Variants in ARL17A observed in about 807,000 individuals in gnomAD.
ARL17A encodes the protein ARF like GTPase 17A.
intron 3 of ARL17A, among the ~76,000 whole-genome samples, chr17:46,543,908 G>A (rs1212557906): frequency 6.8e-6 from 1 of 148,132 alleles, no homozygotes; most frequent in African/African-American, 2.6e-5. Flanking sequence ...CTTGTGCCCA[G>A]GAGTTCGAGA....
chr17:46,502,711 C>T, the ARL17A span, among the ~76,000 whole-genome samples: 25 of 151,244 alleles, frequency 1.7e-4, 2 homozygotes, highest in African/African-American at 4.9e-4. Flanking sequence ...GCCTAAGGCA[C>T]CTGTGAGGGT....
At chr17:46,534,709 G>C (rs1310637517) in intron 4 of ARL17A, among the ~76,000 whole-genome samples, 1 of 150,020 alleles carries the variant, frequency 6.7e-6, no homozygotes, top group Non-Finnish European at 1.5e-5. Context: ...TGAGCTGTTG[G>C]GTACACCTCC....
chr17:46,533,496 C>CTT (rs1290324553), intron 4 of ARL17A, among the ~76,000 whole-genome samples: 25 of 141,548 alleles, frequency 1.8e-4, no homozygotes, highest in African/African-American at 4.8e-4. Context: ...GTATCTTTTT[C>CTT]TTTTTTTTTT....
At chr17:46,528,643 C>A (rs971976197), downstream of ARL17A, 1 of 534,632 alleles carries the variant, frequency 1.9e-6, no homozygotes. Flanking sequence ...TCACTTGACT[C>A]CAGGAGGTGG....
At chr17:46,575,643 TG>T (rs1258517709) in intron 2 of ARL17A, among the ~76,000 whole-genome samples, 1 of 96,506 alleles carries the variant, frequency 1.0e-5, no homozygotes, top group African/African-American at 4.3e-5. Context: ...TGTGTTCACA[TG>T]TCTCCCTTGT....
At chr17:46,522,459 G>GTTTT (rs2052398791) in intron 3 of ARL17A, among the ~76,000 whole-genome samples, 3 of 127,632 alleles carry the variant, frequency 2.4e-5, no homozygotes, top group African/African-American at 9.1e-5. Context: ...TTGTTTGTTT[G>GTTTT]TTTGAGACGG....
intron 3 of ARL17A, among the ~76,000 whole-genome samples, chr17:46,539,768 C>CAAAAAAAACA (rs2054949175): frequency 1.5e-5 from 1 of 67,036 alleles, no homozygotes; most frequent in Non-Finnish European, 2.7e-5. Flanking sequence ...GACTCCATCT[C>CAAAAAAAACA]AAAAAAAAAA....
At chr17:46,529,210 A>C (rs62073316) in intron 4 of ARL17A, among the ~76,000 whole-genome samples, 1 of 119,960 alleles carries the variant, frequency 8.3e-6, no homozygotes, top group Non-Finnish European at 1.9e-5. Context: ...AAAAAGAACA[A>C]GCAAGAAATG....
At chr17:46,526,580 A>G (rs1330868479), downstream of ARL17A, among the ~76,000 whole-genome samples, 2 of 103,874 alleles carry the variant, frequency 1.9e-5, 1 homozygote, top group Non-Finnish European at 4.2e-5. Context: ...CTGGGTTCCA[A>G]TAGTTACAAC....
downstream of ARL17A, chr17:46,550,331 C>A (rs1351729363): frequency 4.8e-5 from 18 of 371,168 alleles, no homozygotes; most frequent in African/African-American, 5.7e-4. Context: ...TAAAAAAGAA[C>A]CTGTCAGCTA....
chr17:46,500,576 A>G, the ARL17A span, among the ~76,000 whole-genome samples: 1 of 150,678 alleles, frequency 6.6e-6, no homozygotes, highest in Admixed American at 6.6e-5. Context: ...AAATCACCTG[A>G]AGATTGTGAG....
chr17:46,568,436 C>A (rs1285223101), intron 3 of ARL17A, among the ~76,000 whole-genome samples: 2 of 120,280 alleles, frequency 1.7e-5, no homozygotes, highest in African/African-American at 6.8e-5. Context: ...GATAGCCAAG[C>A]AAGTTAGATG....
intron 4 of ARL17A, among the ~76,000 whole-genome samples, chr17:46,534,260 G>A (rs1482423102): frequency 7.6e-5 from 11 of 144,276 alleles, no homozygotes; most frequent in Admixed American, 1.4e-4. Context: ...GATTTGGCAG[G>A]GTCATAGGAC....
chr17:46,529,534 G>A (rs1040150049), intron 4 of ARL17A, among the ~76,000 whole-genome samples: 1 of 101,476 alleles, frequency 9.9e-6, no homozygotes, highest in African/African-American at 3.3e-5. Context: ...AAGGCTGGGC[G>A]CGCTGGCTCA....
chr17:46,534,708 G>C (rs1298959762), intron 4 of ARL17A, among the ~76,000 whole-genome samples: 1 of 149,976 alleles, frequency 6.7e-6, no homozygotes, highest in African/African-American at 2.5e-5. Context: ...ATGAGCTGTT[G>C]GGTACACCTC....
the ARL17A span, among the ~76,000 whole-genome samples, chr17:46,502,156 A>G: frequency 5.3e-5 from 8 of 151,122 alleles, no homozygotes; most frequent in African/African-American, 2.0e-4. Context: ...ATTTCACAGC[A>G]TAAAGCTCAT....
intron 4 of ARL17A, among the ~76,000 whole-genome samples, chr17:46,534,742 G>A (rs904216435): frequency 3.3e-5 from 5 of 150,110 alleles, no homozygotes; most frequent in Non-Finnish European, 7.4e-5. Context: ...CGGCCGGGCA[G>A]AGGGGCTCCT....
At chr17:46,548,473 G>C, downstream of ARL17A, 2 of 1,134,168 alleles carry the variant, frequency 1.8e-6, no homozygotes, top group Non-Finnish European at 2.4e-6. Flanking sequence ...AGACACCAAT[G>C]ACGAGAGTGA....
chr17:46,501,511 C>A, the ARL17A span, among the ~76,000 whole-genome samples: 500 of 151,356 alleles, frequency 3.3e-3, 42 homozygotes, highest in African/African-American at 0.012. Flanking sequence ...AATGTGTGGG[C>A]GTGACCAAGT....
Sources: allele counts gnomAD v4.1 joint callset (sites outside exome capture counted in the v4.1 genomes callset), GRCh38; gene constraint gnomAD v4.1.1; transcripts MANE v1.5; gene names NCBI Gene and HGNC (gene_info 2026-07-23, HGNC 2026-07-21).